The following MLLT3 variants were observed in gnomAD, a reference collection of about 807,000 sequenced individuals.
MLLT3 encodes the protein protein AF-9.
Under a neutral mutation model 53.2 loss-of-function variants are expected in MLLT3, and 4 were observed. The ratio of observed to expected loss-of-function variants is 0.08; its 90% CI spans 0.04 to 0.17. The LOEUF (loss-of-function observed/expected upper bound fraction) is 0.17. Among genes scored for constraint, MLLT3 ranks in the 10% least tolerant of loss-of-function variants. The pLI is 1.00. For synonymous variants in MLLT3, 283 were observed against 230.6 expected (o/e 1.23, Z -2.06); for missense variants, 569 against 684.0 (o/e 0.83, Z 1.87).
intron 2 of MLLT3, among the ~76,000 whole-genome samples, chr9:20,484,731 C>G (rs1824762556): frequency 6.6e-6 from 1 of 152,018 alleles, no homozygotes; most frequent in Admixed American, 6.6e-5. Flanking sequence ...AAAGAACTGC[C>G]CTTCCCCCAA....
In MLLT3 at chr9:20,560,685, G is replaced by C. The variant is rs1054467624; in HGVS notation, c.193+59969C>G. On this transcript the variant is annotated intron_variant, in intron 2 of 10. Transcript: ENST00000380338. ...TCTAAGATTTTAAGGATTGTGGGCG[G>C]GGAGCATTGTGGGCTAACAGGAGAC... Among the ~76,000 whole-genome samples the C allele has an allele frequency of 2.6e-5, 4 of 152,256 alleles. No individual in the cohort carries two copies. The South Asian group carries it at 8.3e-4, about 32-fold the overall frequency.
chr9:20,553,644 T>C (rs1319524557), intron 2 of MLLT3, among the ~76,000 whole-genome samples: 1 of 152,174 alleles, frequency 6.6e-6, no homozygotes, highest in Non-Finnish European at 1.5e-5. Flanking sequence ...AGAAAATTCA[T>C]CTCTAAATAT....
At chr9:20,382,733 A>AC (rs1440815832) in intron 5 of MLLT3, among the ~76,000 whole-genome samples, 2 of 151,994 alleles carry the variant, frequency 1.3e-5, no homozygotes, top group African/African-American at 2.4e-5. Context: ...CTCTCTTAGT[A>AC]TAACAGGATC....
At chr9:20,377,369 T>A (rs1248647201) in intron 5 of MLLT3, among the ~76,000 whole-genome samples, 2 of 152,152 alleles carry the variant, frequency 1.3e-5, no homozygotes, top group Non-Finnish European at 2.9e-5. Context: ...GAACACTGAA[T>A]TGAACAAAGT....
In MLLT3 at chr9:20,620,559, C is replaced by CGCGGGGG; in HGVS notation, c.193+88_193+94dup. 1.7e-6 allele frequency: 2 copies of CGCGGGGG among 1,153,628 alleles called. No homozygotes were observed. The highest frequency in any genetic ancestry group is 2.3e-6 in the Non-Finnish European group (2 of 869,792). The allele number at this position is 1,153,628 out of a possible 1,614,324, so 71.5% of individuals were successfully genotyped here. A position where few individuals can be genotyped will look rare whatever the true frequency, so the allele number is the denominator to read the frequency against. Reference sequence around the variant, plus strand: ...CCCGAGGCTACGCCGGCGAGCGCGGCGCGGGGGGCGGGGAGCGGGACAGCG... The same window carrying CGCGGGGG: ...CCCGAGGCTACGCCGGCGAGCGCGGCGCGGGGGGCGGGGGGCGGGGAGCGGGACAGCG... On this transcript the variant is annotated intron_variant, in intron 2 of 10. Transcript: ENST00000380338. The surrounding 1 kb of genome is among the most constrained non-coding windows in gnomAD (Gnocchi z 6.1).
chr9:20,350,549 C>T (rs570327660), intron 10 of MLLT3, among the ~76,000 whole-genome samples: 3 of 142,796 alleles, frequency 2.1e-5, no homozygotes, highest in Non-Finnish European at 4.4e-5. Context: ...GAGCCGAGAT[C>T]CCGCCACTGC....
intron 2 of MLLT3, chr9:20,532,767 C>A (rs34449799): frequency 1.1e-5 from 3 of 264,316 alleles, no homozygotes; most frequent in Non-Finnish European, 2.2e-5. Flanking sequence ...CTATTACAAG[C>A]GGCTGAAAGC....
At chr9:20,486,283 T>C (rs1218388908) in intron 2 of MLLT3, among the ~76,000 whole-genome samples, 2 of 151,970 alleles carry the variant, frequency 1.3e-5, no homozygotes, top group African/African-American at 4.8e-5. Flanking sequence ...ATTTTCAAAA[T>C]ACAACAGAAC....
chr9:20,614,641 GAA>G (rs11358985), intron 2 of MLLT3, among the ~76,000 whole-genome samples: 107 of 150,932 alleles, frequency 7.1e-4, no homozygotes, highest in African/African-American at 2.6e-3. Flanking sequence ...CTACAAATTA[GAA>G]AAAAAAAACA....
chr9:20,581,958 A>C (rs1819803913), intron 2 of MLLT3, among the ~76,000 whole-genome samples: 1 of 152,164 alleles, frequency 6.6e-6, no homozygotes, highest in Non-Finnish European at 1.5e-5. Context: ...TCTATATCTG[A>C]TGCTCAATCC....
chr9:20,530,140 C>T (rs1818295026), intron 2 of MLLT3, among the ~76,000 whole-genome samples: 2 of 152,112 alleles, frequency 1.3e-5, no homozygotes, highest in Admixed American at 1.3e-4. Context: ...CTTAGAAACG[C>T]CATGTTTTAC....
At chr9:20,618,268 A>G (rs948232232) in intron 2 of MLLT3, among the ~76,000 whole-genome samples, 3 of 152,258 alleles carry the variant, frequency 2.0e-5, no homozygotes, top group African/African-American at 7.2e-5. Flanking sequence ...TTTAAAAGGT[A>G]CTGGAAGTAG....
chr9:20,573,173 GT>G (rs1376035174), intron 2 of MLLT3, among the ~76,000 whole-genome samples: 4 of 101,002 alleles, frequency 4.0e-5, no homozygotes, highest in Non-Finnish European at 4.2e-5. Flanking sequence ...GTTTTTGTTT[GT>G]TTTTTTTTGT....
intron 5 of MLLT3, among the ~76,000 whole-genome samples, chr9:20,399,733 CA>C (rs1394162093): frequency 6.6e-6 from 1 of 152,044 alleles, no homozygotes; most frequent in Non-Finnish European, 1.5e-5. Flanking sequence ...ATGAAACGGT[CA>C]GACTGGAGAA....
intron 5 of MLLT3, among the ~76,000 whole-genome samples, chr9:20,382,701 C>T (rs961288254): frequency 6.6e-5 from 10 of 151,886 alleles, no homozygotes; most frequent in Non-Finnish European, 1.2e-4. Context: ...CTAGAGAGAT[C>T]GGATGTCAAA....
chr9:20,586,466 C>A (rs900917125), intron 2 of MLLT3, among the ~76,000 whole-genome samples: 9 of 151,420 alleles, frequency 5.9e-5, no homozygotes, highest in African/African-American at 2.2e-4. Flanking sequence ...TCACTGACTT[C>A]GTACATAACC....
At chr9:20,468,331 A>G (rs1824287546) in intron 2 of MLLT3, among the ~76,000 whole-genome samples, 1 of 152,190 alleles carries the variant, frequency 6.6e-6, no homozygotes, top group South Asian at 2.1e-4. Context: ...TTTTGCTGTC[A>G]TAGCTCCTTG....
chr9:20,398,161 A>G (rs997939833), intron 5 of MLLT3, among the ~76,000 whole-genome samples: 3 of 152,084 alleles, frequency 2.0e-5, no homozygotes, highest in African/African-American at 7.2e-5. Context: ...CAGTGTTACA[A>G]GGACAGCTCA....
intron 4 of MLLT3, among the ~76,000 whole-genome samples, chr9:20,446,627 G>C (rs148740422): frequency 0.011 from 1,628 of 152,210 alleles, 22 homozygotes; most frequent in Non-Finnish European, 0.015. Context: ...GAGATAATCA[G>C]AAATGTAAAA....
Sources: allele counts gnomAD v4.1 joint callset (sites outside exome capture counted in the v4.1 genomes callset), GRCh38; gene constraint gnomAD v4.1.1; non-coding constraint Gnocchi (gnomAD v3.1); transcripts MANE v1.5; gene names NCBI Gene and HGNC (gene_info 2026-07-23, HGNC 2026-07-21).